MOSPD2: variants seen among roughly 807,000 people sequenced by gnomAD.
MOSPD2 encodes motile sperm domain containing 2.
Under a neutral mutation model 41.7 loss-of-function variants are expected in MOSPD2, and 5 were observed. The observed-to-expected ratio is 0.12, with a 90% CI of 0.06 to 0.25. The LOEUF (loss-of-function observed/expected upper bound fraction) is 0.25. Among genes scored for constraint, MOSPD2 ranks in the 10% least tolerant of loss-of-function variants. The pLI is 1.00. For missense variants in MOSPD2, 282 were observed against 375.2 expected, an observed-to-expected ratio of 0.75 and a Z score of 2.05; for synonymous variants, 115 against 126.9, an observed-to-expected ratio of 0.91 and a Z score of 0.63.
At chrX:14,890,119 G>A (rs1157061281) in intron 2 of MOSPD2, among the ~76,000 whole-genome samples, 2 of 111,321 alleles carry the variant, frequency 1.8e-5, no homozygotes, top group African/African-American at 3.3e-5. Context: ...AAGCAATGAT[G>A]TGTAATCAGT....
At chrX:14,889,710 T>C (rs1401705113) in intron 2 of MOSPD2, among the ~76,000 whole-genome samples, 1 of 111,863 alleles carries the variant, frequency 8.9e-6, no homozygotes, top group East Asian at 2.8e-4. Flanking sequence ...AACTAGCATG[T>C]TATATGTAAG....
At chrX:14,919,331 T>G (rs1190357659) in intron 14 of MOSPD2, among the ~76,000 whole-genome samples, 1 of 112,093 alleles carries the variant, frequency 8.9e-6, no homozygotes, top group East Asian at 2.8e-4. Flanking sequence ...AATTCAGTCT[T>G]GCAGAAAAAA....
chrX:14,909,015 T>A (rs2092587078), intron 8 of MOSPD2, 31 bp downstream of exon 8: 2 of 1,092,552 alleles, frequency 1.8e-6, no homozygotes, highest in South Asian at 4.8e-5. Context: ...TATAAAACAA[T>A]ACTGGATAAT....
At chrX:14,915,323 C>T (rs1989813) in intron 11 of MOSPD2, 1,650 of 113,901 alleles carry the variant, frequency 0.014, 16 homozygotes, top group Non-Finnish European at 0.024. Context: ...TTAGATAGGT[C>T]GAGATGCTTT....
chrX:14,903,608 G>C (rs1433493119), intron 7 of MOSPD2, among the ~76,000 whole-genome samples: 1 of 111,790 alleles, frequency 8.9e-6, no homozygotes, highest in Non-Finnish European at 1.9e-5. Context: ...TTGATAAACT[G>C]TCTTGACCAA....
In MOSPD2 at chrX:14,902,990, C is replaced by A; in HGVS notation, c.563C>A (p.Pro188His). Residue 188 changes from proline to histidine, a missense_variant, in exon 7 of 15, where the codon CCT becomes CAT. Pro to His is a moderately conservative substitution (Grantham distance 77). This residue lies in a region of MOSPD2 where 187 missense variants were observed against 256.6 expected (regional missense o/e 0.73). Coordinates refer to ENST00000380492, the MANE Select transcript of MOSPD2 (RefSeq NM_152581.4). ...GCAAAAATAGTGATCTTTGATATGC[C>A]TTGGTTAATGAATGGTGAGTATATT... ...YLSKIVIFDMPWLMNAAFKIV... is the reference protein window; with the variant it reads ...YLSKIVIFDMHWLMNAAFKIV... The A allele has an allele frequency of 8.6e-7, 1 of 1,157,910 alleles. No individual in the cohort carries two copies. The highest frequency in any genetic ancestry group is 1.2e-6 in the Non-Finnish European group (1 of 848,293).
chrX:14,875,975 C>T (rs1663593954), intron 2 of MOSPD2, among the ~76,000 whole-genome samples: 1 of 111,917 alleles, frequency 8.9e-6, no homozygotes, highest in African/African-American at 3.3e-5. Context: ...GTGTCTTACT[C>T]ACCTTTGTAT....
Position 14,919,892 on chromosome X carries a change from A to G in MOSPD2, c.*83A>G. On this transcript the variant is annotated 3_prime_UTR_variant, in exon 15 of 15. Coordinates refer to ENST00000380492, the MANE Select transcript of MOSPD2 (RefSeq NM_152581.4). The stretch of plus-strand genomic sequence containing the variant: ...AGACCTAAAACTCTACCAAGCTACT[A>G]AAAACATTGCACATCTGTGCTTCCT... 8.8e-7 allele frequency: 1 copy of G among 1,132,568 alleles called. No homozygotes were observed. The highest frequency in any genetic ancestry group is 1.2e-6 in the Non-Finnish European group (1 of 859,087). The allele number at this position is 1,132,568 out of a possible 1,213,427, so 93.3% of individuals were successfully genotyped here.
chrX:14,911,213 T>C, intron 8 of MOSPD2, 24 bp from the exon 9 acceptor site: 1 of 1,161,648 alleles, frequency 8.6e-7, no homozygotes, highest in Non-Finnish European at 1.2e-6. Context: ...TTTAGTAGGC[T>C]CATGTGAAAT....
chrX:14,916,963 G>T, intron 13 of MOSPD2, among the ~76,000 whole-genome samples: 1 of 112,384 alleles, frequency 8.9e-6, no homozygotes. Context: ...TTGTAGTTTT[G>T]CTTTTTTTAA....
chrX:14,880,217 C>G (rs2092528799), intron 2 of MOSPD2, among the ~76,000 whole-genome samples: 1 of 110,412 alleles, frequency 9.1e-6, no homozygotes. Flanking sequence ...TTAACACAGT[C>G]TTTTGTTATA....
rs2092610442 is a variant in MOSPD2 at position 14,921,960 on chromosome X, T to C, written c.*2151T>C. The C allele has an allele frequency of 9.0e-6, 1 of 111,706 alleles. No individual in the cohort carries two copies. Among genetic ancestry groups the C allele is most frequent in the Admixed American group, 9.6e-5 (1 of 10,464 alleles). The allele number at this position is 111,706 out of a possible 1,213,427, so 9.2% of individuals were successfully genotyped here. A position where few individuals can be genotyped will look rare whatever the true frequency, so the allele number is the denominator to read the frequency against. On this transcript the variant is annotated 3_prime_UTR_variant, in exon 15 of 15. Transcript: ENST00000380492. ...ATTTGTTTTCACTTAGGAATGGAAA[T>C]TAATAGATTTTCCATGAAAGCATTA... is the stretch of plus-strand genomic sequence containing the variant.
chrX:14,918,736 A>G lies in MOSPD2; in HGVS notation c.1373A>G (p.Asn458Ser), dbSNP rs771081569. Reference protein sequence around the residue: ...SKPNTLTLKDNAFNMSDKTSE... With the variant: ...SKPNTLTLKDSAFNMSDKTSE... ...CCAAACACTCTTACGTTAAAAGACA[A>G]TGCTTTCAATATGTCAGATAAAACC... is the stretch of plus-strand genomic sequence containing the variant. The change falls in exon 14 of 15, where the codon AAT becomes AGT. Residue 458 changes from asparagine to serine, a missense_variant. By Grantham distance (46) the Asn-to-Ser change is conservative. Around this residue, in one of 3 missense-constraint regions of MOSPD2, gnomAD observed 94 missense variants for 102.1 expected, o/e 0.92. Transcript: ENST00000380492. 73 of 1,197,221 alleles carry G rather than the reference A, an allele frequency of 6.1e-5. No individual in the cohort carries two copies. Among genetic ancestry groups the G allele is most frequent in the Middle Eastern group, 2.3e-4 (1 of 4,317 alleles).
At position 14,886,273 on chromosome X, in the gene MOSPD2, C is replaced by G. The variant is rs139624067; in HGVS notation, c.80-6450C>G. ...AGAGTCTGTAATATACAGGAATAGA[C>G]CAAGGTCCATTATATCTAATTAACC... On this transcript the variant is annotated intron_variant, in intron 2 of 14. Coordinates refer to ENST00000380492, the MANE Select transcript of MOSPD2 (RefSeq NM_152581.4). 4.8e-3 allele frequency among the ~76,000 whole-genome samples: 535 copies of G among 111,130 alleles called. 6 individuals carry two copies. The highest frequency in any genetic ancestry group is 0.018 in the Middle Eastern group (4 of 218).
intron 2 of MOSPD2, among the ~76,000 whole-genome samples, chrX:14,886,554 A>G (rs2147482580): frequency 9.5e-6 from 1 of 105,331 alleles, no homozygotes; most frequent in African/African-American, 3.8e-5. Flanking sequence ...CACGAGAGAG[A>G]GAGAGAGAGA....
intron 13 of MOSPD2, among the ~76,000 whole-genome samples, chrX:14,918,352 G>C (rs1167349941): frequency 8.9e-6 from 1 of 111,747 alleles, no homozygotes; most frequent in Non-Finnish European, 1.9e-5. Context: ...GAAGCTCAAG[G>C]AAAGTACCTT....
intron 3 of MOSPD2, among the ~76,000 whole-genome samples, chrX:14,894,316 A>ATT (rs759189386): frequency 0.26 from 17,196 of 66,431 alleles, 2,214 homozygotes; most frequent in Non-Finnish European, 0.3. Flanking sequence ...TTATTGATTG[A>ATT]TTTTTTTTTT....
At chrX:14,889,164 C>A (rs2147485277) in intron 2 of MOSPD2, among the ~76,000 whole-genome samples, 1 of 111,048 alleles carries the variant, frequency 9.0e-6, no homozygotes, top group South Asian at 3.8e-4. Context: ...TAATGCCATT[C>A]ATGAGGGAGG....
intron 12 of MOSPD2, 49 bp from the exon 13 acceptor site, chrX:14,916,148 C>A (rs753926768): frequency 8.3e-7 from 1 of 1,206,832 alleles, no homozygotes; most frequent in Admixed American, 2.2e-5. Context: ...CATATCCAAC[C>A]GCTTTGAAGG....
Sources: allele counts gnomAD v4.1 joint callset (sites outside exome capture counted in the v4.1 genomes callset), GRCh38; gene constraint gnomAD v4.1.1; regional missense constraint gnomAD v4.1.1; transcripts MANE v1.5; gene names NCBI Gene and HGNC (gene_info 2026-07-23, HGNC 2026-07-21).